Variants in PPTC7 observed in about 807,000 individuals in gnomAD.
PPTC7 encodes the protein protein phosphatase targeting COQ7.
Under a neutral mutation model 30.8 loss-of-function variants are expected in PPTC7, and 6 were observed. That is an observed-to-expected ratio of 0.19 (90% CI 0.11 to 0.38). The LOEUF is 0.38. Ranked by LOEUF, PPTC7 falls within the 10% of genes least tolerant of loss-of-function variation. The probability of loss-of-function intolerance (pLI) is 1.00; values close to 1 mark genes in which losing one functional copy is unlikely to be tolerated. For missense variants in PPTC7, 218 were observed against 404.8 expected (o/e 0.54, Z 3.96); for synonymous variants, 163 against 168.1 (o/e 0.97, Z 0.23).
chr12:110,563,420 C>T (rs1047349830), intron 1 of PPTC7, among the ~76,000 whole-genome samples: 1 of 152,124 alleles, frequency 6.6e-6, no homozygotes, highest in Non-Finnish European at 1.5e-5. Context: ...AGTTCAAGAC[C>T]AGCCTGGCCA....
intron 1 of PPTC7, among the ~76,000 whole-genome samples, chr12:110,574,723 C>T (rs2064572693): frequency 6.6e-6 from 1 of 152,110 alleles, no homozygotes; most frequent in South Asian, 2.1e-4. Flanking sequence ...ATTTTGTGAA[C>T]TGTTAGGAAA....
At chr12:110,566,886 GA>G (rs899324937) in intron 1 of PPTC7, among the ~76,000 whole-genome samples, 1 of 152,002 alleles carries the variant, frequency 6.6e-6, no homozygotes, top group Non-Finnish European at 1.5e-5. Context: ...AAATAACAAG[GA>G]AAAAAGGATT....
At chr12:110,540,549 G>A (rs958179449) in intron 3 of PPTC7, among the ~76,000 whole-genome samples, 2 of 151,746 alleles carry the variant, frequency 1.3e-5, no homozygotes, top group African/African-American at 4.8e-5. Flanking sequence ...ACAGGGTTTT[G>A]CCACGTTGGC....
intron 1 of PPTC7, among the ~76,000 whole-genome samples, chr12:110,579,765 C>T (rs187289764): frequency 6.6e-5 from 10 of 152,254 alleles, no homozygotes; most frequent in African/African-American, 2.4e-4. Context: ...GTAATCCCAG[C>T]AGTTTGGGAG....
intron 1 of PPTC7, among the ~76,000 whole-genome samples, chr12:110,552,590 C>A (rs542811534): frequency 1.3e-5 from 2 of 152,220 alleles, no homozygotes; most frequent in African/African-American, 4.8e-5. Flanking sequence ...GTGGGCCGGG[C>A]GCGGTGGCTC....
At chr12:110,547,749 A>G (rs895933035) in intron 2 of PPTC7, among the ~76,000 whole-genome samples, 1 of 152,192 alleles carries the variant, frequency 6.6e-6, no homozygotes, top group Non-Finnish European at 1.5e-5. Context: ...GTGTGCCATC[A>G]TTTTCCAGCT....
At chr12:110,553,994 G>A (rs921870991) in intron 1 of PPTC7, among the ~76,000 whole-genome samples, 28 of 151,950 alleles carry the variant, frequency 1.8e-4, no homozygotes, top group African/African-American at 6.5e-4. Flanking sequence ...CCCTAGCTGG[G>A]ACTACAGGTG....
chr12:110,545,575 A>T (rs2064299662), intron 3 of PPTC7, among the ~76,000 whole-genome samples: 1 of 152,252 alleles, frequency 6.6e-6, no homozygotes, highest in Admixed American at 6.5e-5. Flanking sequence ...TTTCTCCAGC[A>T]CAATTTAATA....
intron 1 of PPTC7, among the ~76,000 whole-genome samples, chr12:110,558,720 G>T (rs1352933139): frequency 6.6e-6 from 1 of 152,170 alleles, no homozygotes; most frequent in Non-Finnish European, 1.5e-5. Flanking sequence ...CCGCTTCCCA[G>T]GTTCAAGTGA....
At chr12:110,550,833 T>C (rs1444410477) in intron 2 of PPTC7, among the ~76,000 whole-genome samples, 1 of 152,210 alleles carries the variant, frequency 6.6e-6, no homozygotes. Flanking sequence ...CAGTGTGGGG[T>C]GACCAAACAC....
intron 2 of PPTC7, among the ~76,000 whole-genome samples, chr12:110,547,619 G>T (rs764053062): frequency 7.9e-5 from 12 of 152,052 alleles, no homozygotes; most frequent in Admixed American, 2.0e-4. Context: ...ACCAAAAAGA[G>T]TAAAGTTTAC....
In PPTC7 at chr12:110,561,099, G is replaced by A. The variant is rs994886983; in HGVS notation, c.224-9131C>T. ...TTTCTGCAGTAAGGGGCCATCTAAT[G>A]AGAAAGGGGGCTAAGCAATATTTAT... On this transcript the variant is annotated intron_variant, in intron 1 of 5. Transcript: ENST00000354300. Among the ~76,000 whole-genome samples the A allele has an allele frequency of 3.9e-5, 6 of 152,210 alleles. 1 individual carries two copies. Among genetic ancestry groups the A allele is most frequent in the Admixed American group, 3.9e-4 (6 of 15,278 alleles).
rs1402687001 is a variant in PPTC7, at chr12:110,546,038, G to A, written c.444C>T (p.Ser148=). The stretch of plus-strand genomic sequence containing the variant: ...CCAGGTTTGCTGTGTGTAAGCGGTG[G>A]CTGGTTCTGTCCAGCACCACAATGC... ...TACIVVLDRT[S]HRLHTANLGD... is the part of the protein sequence containing the mutation. The change falls in exon 3 of 6, where the codon AGC becomes AGT. Residue 148 remains serine (S), a synonymous_variant. Transcript: ENST00000354300. The A allele has an allele frequency of 6.2e-7, 1 of 1,614,024 alleles. No individual in the cohort carries two copies. Among genetic ancestry groups the A allele is most frequent in the Non-Finnish European group, 8.5e-7 (1 of 1,180,046 alleles).
At chr12:110,574,794 T>C (rs1336254863) in intron 1 of PPTC7, among the ~76,000 whole-genome samples, 6 of 152,214 alleles carry the variant, frequency 3.9e-5, no homozygotes, top group Non-Finnish European at 8.8e-5. Context: ...TTATTATTAT[T>C]TTGAGACAGA....
intron 1 of PPTC7, among the ~76,000 whole-genome samples, chr12:110,580,243 A>G (rs1382926853): frequency 6.6e-6 from 1 of 152,208 alleles, no homozygotes; most frequent in East Asian, 1.9e-4. Context: ...ATGTCAGGGC[A>G]TGAAATTATG....
Position 110,572,435 on chromosome 12 carries a change from C to T in PPTC7, c.223+10374G>A, listed in dbSNP as rs556017931. 3.3e-5 allele frequency among the ~76,000 whole-genome samples: 5 copies of T among 151,992 alleles called. No homozygotes were observed. In the South Asian group the frequency reaches 6.2e-4, roughly 19 times the overall value. On this transcript the variant is annotated intron_variant, in intron 1 of 5. Transcript: ENST00000354300. ...CTGCCTGGGTGACAGAGTGAGACTC[C>T]GTCTTAAAAACAAAAAACAAAAAAC...
At chr12:110,540,443 T>A (rs1279771820) in intron 3 of PPTC7, among the ~76,000 whole-genome samples, 2 of 148,568 alleles carry the variant, frequency 1.3e-5, no homozygotes, top group African/African-American at 2.5e-5. Flanking sequence ...TGTCTCAGCC[T>A]CCCAAGTAGC....
intron 3 of PPTC7, among the ~76,000 whole-genome samples, chr12:110,540,459 C>CT (rs2064250738): frequency 6.6e-6 from 1 of 151,770 alleles, no homozygotes; most frequent in African/African-American, 2.4e-5. Context: ...GTAGCTGGGA[C>CT]TACAGGCATG....
chr12:110,580,771 A>G (rs2064630338), intron 1 of PPTC7, among the ~76,000 whole-genome samples: 1 of 151,410 alleles, frequency 6.6e-6, no homozygotes, highest in South Asian at 2.1e-4. Flanking sequence ...TTTTTTTTTG[A>G]GACGGAGTCT....
Sources: gnomAD v4.1 joint callset for allele counts (sites outside exome capture counted in the v4.1 genomes callset) on GRCh38, gnomAD v4.1.1 for gene constraint, MANE v1.5 for transcripts, NCBI Gene and HGNC (gene_info 2026-07-23, HGNC 2026-07-21) for gene names.